ARHGEF1: variants seen among roughly 807,000 people sequenced by gnomAD.
ARHGEF1 encodes the protein Rho guanine nucleotide exchange factor 1, also known as 115 kDa guanine nucleotide exchange factor.
In ARHGEF1, 40 loss-of-function variants were observed where a neutral mutation model predicts 119.7. The ratio of observed to expected loss-of-function variants is 0.33; its 90% CI spans 0.26 to 0.44. The LOEUF (loss-of-function observed/expected upper bound fraction) is 0.44, where lower values mean the gene tolerates loss of function less well. ARHGEF1 is among the 20% of genes least tolerant of loss of function. The pLI, the probability that ARHGEF1 is intolerant of heterozygous loss-of-function variation, is 1.00. For missense variants in ARHGEF1, 976 were observed against 1,268.3 expected, an observed-to-expected ratio of 0.77 and a Z score of 3.50; for synonymous variants, 494 against 521.0, an observed-to-expected ratio of 0.95 and a Z score of 0.71.
intron 11 of ARHGEF1, among the ~76,000 whole-genome samples, 195 bp downstream of exon 11, chr19:41,894,856 T>TGG (rs1235083907): frequency 9.4e-6 from 1 of 106,726 alleles, no homozygotes. Flanking sequence ...GAGGAAGGGC[T>TGG]GGGCCTGGAC....
At chr19:41,897,207 C>T (rs1309760376) in intron 13 of ARHGEF1, 2 of 1,132,344 alleles carry the variant, frequency 1.8e-6, no homozygotes, top group Admixed American at 4.7e-5. Flanking sequence ...CAGGCTCTGC[C>T]TCCTGCCCGT....
At chr19:41,929,487 A>C (rs2074892427) in intron 2 of ARHGEF1, among the ~76,000 whole-genome samples, 1 of 152,110 alleles carries the variant, frequency 6.6e-6, no homozygotes, top group South Asian at 2.1e-4. Context: ...CCCACAGTTC[A>C]GCTCCCGGCC....
In ARHGEF1 at chr19:41,888,860, C is replaced by A. The variant is rs146097065; in HGVS notation, c.220C>A (p.Pro74Thr). ...QHVALQFEPG[P>T]LLCCLHADML... ...CGTGGCCCTGCAGTTTGAGCCAGGA[C>A]CCCTGGTGAGGGCAGGGCTGGGTGG... Residue 74 changes from proline to threonine, a missense_variant, in exon 4 of 29, where the codon CCC becomes ACC. By Grantham distance (38) the Pro-to-Thr change is conservative. This residue lies in a region of ARHGEF1 where 519 missense variants were observed against 580.9 expected (regional missense o/e 0.89). Coordinates refer to ENST00000354532, the MANE Select transcript of ARHGEF1 (RefSeq NM_004706.4). The surrounding 1 kb of genome is among the most constrained non-coding windows in gnomAD (Gnocchi z 5.1). 3 of 1,613,492 alleles carry A rather than the reference C, an allele frequency of 1.9e-6. No homozygotes were observed. Among genetic ancestry groups the A allele is most frequent in the Non-Finnish European group, 2.5e-6 (3 of 1,179,538 alleles).
downstream of ARHGEF1, chr19:41,907,911 C>T (rs2074726660): frequency 4.5e-6 from 1 of 224,324 alleles, no homozygotes; most frequent in Non-Finnish European, 7.5e-6. Context: ...GCCACACAAA[C>T]ACTTGGGGCA....
intron 1 of ARHGEF1, 85 bp from the exon 2 acceptor site, chr19:41,887,976 CCTT>C (rs2074320218): frequency 1.4e-6 from 2 of 1,440,452 alleles, no homozygotes; most frequent in African/African-American, 2.9e-5. Context: ...TGTTTACTCA[CCTT>C]CACACCTGGG....
intron 18 of ARHGEF1, chr19:41,912,921 G>A: frequency 1.6e-6 from 2 of 1,231,154 alleles, no homozygotes; most frequent in African/African-American, 1.6e-5. Flanking sequence ...ACAGTCCATG[G>A]CGGAGCCGGC....
In ARHGEF1 at chr19:41,889,928, C is replaced by T. The variant is rs1468060707; in HGVS notation, c.225+1063C>T. On this transcript the variant is annotated intron_variant, in intron 4 of 28. Transcript: ENST00000354532. This position sits in a 1 kb window ranked among gnomAD's most constrained non-coding sequence, Gnocchi z 4.0. ...TAGAACACCAGATTGTGGACATCAG[C>T]CCAGGGATCGTGCTGACTACCATGT... 1 of 152,140 alleles carries T rather than the reference C, an allele frequency of 6.6e-6. No individual in the cohort carries two copies. Among genetic ancestry groups the T allele is most frequent in the Admixed American group, 6.6e-5 (1 of 15,266 alleles). The allele number at this position is 152,140 out of a possible 1,614,324, so 9.4% of individuals were successfully genotyped here.
Position 41,905,923 on chromosome 19 carries a change from C to G in ARHGEF1, c.2405-16C>G, listed in dbSNP as rs201964344. The G allele has an allele frequency of 6.2e-7, 1 of 1,614,110 alleles. No homozygotes were observed. The highest frequency in any genetic ancestry group is 1.1e-5 in the South Asian group (1 of 91,084). On this transcript the variant is annotated splice_polypyrimidine_tract_variant and intron_variant, in intron 25 of 28. Transcript: ENST00000354532. This position sits in a 1 kb window ranked among gnomAD's most constrained non-coding sequence, Gnocchi z 6.4. ...GCCCGGCAGGATCTGAGCTCCCTCT[C>G]TGTTCCCCAATCCAGCCCGGACCGA...
chr19:41,888,687 G>T lies in ARHGEF1; in HGVS notation c.112-65G>T. On this transcript the variant is annotated intron_variant, in intron 3 of 28. Transcript: ENST00000354532. This position sits in a 1 kb window ranked among gnomAD's most constrained non-coding sequence, Gnocchi z 5.1. ...GATCCCTTGTGAAGTGCCAGGAATG[G>T]GTAGGGTCAACCCTAAGGCCCCTCC... 2 of 1,474,920 alleles carry T rather than the reference G, an allele frequency of 1.4e-6. No individual in the cohort carries two copies. Among genetic ancestry groups the T allele is most frequent in the South Asian group, 2.3e-5 (2 of 86,724 alleles). The allele number at this position is 1,474,920 out of a possible 1,614,324, so 91.4% of individuals were successfully genotyped here.
In ARHGEF1 at chr19:41,906,289, C is replaced by G; in HGVS notation, c.2492-168C>G. On this transcript the variant is annotated intron_variant, in intron 26 of 28. Transcript: ENST00000354532. The surrounding 1 kb of genome is among the most constrained non-coding windows in gnomAD (Gnocchi z 4.5). ...TCCTGCCCTGTCCCAACCCTAAACC[C>G]AGCCTCACTTCTTCACCTCCCTTTG... 2.8e-6 allele frequency: 2 copies of G among 726,930 alleles called. No individual in the cohort carries two copies. The highest frequency in any genetic ancestry group is 2.3e-6 in the Non-Finnish European group (1 of 440,920). 45.0% of individuals were successfully genotyped at this position (726,930 alleles called of 1,614,324 possible).
rs528915326 is a variant in ARHGEF1, at chr19:41,888,577, C to G, written c.112-175C>G. 2.6e-5 allele frequency among the ~76,000 whole-genome samples: 4 copies of G among 152,340 alleles called. No homozygotes were observed. The East Asian group carries it at 7.7e-4, about 29-fold the overall frequency. On this transcript the variant is annotated intron_variant, in intron 3 of 28. Transcript: ENST00000354532. This position sits in a 1 kb window ranked among gnomAD's most constrained non-coding sequence, Gnocchi z 5.1. Reference sequence around the variant, plus strand: ...ATTATAATATTAAGTCTCATCCATTCTCCCTGAACACCTGCCCTTGCTGTC... The same window carrying G: ...ATTATAATATTAAGTCTCATCCATTGTCCCTGAACACCTGCCCTTGCTGTC...
intron 18 of ARHGEF1, among the ~76,000 whole-genome samples, chr19:41,913,261 ACGCCCGCCCGCC>A (rs1313896978): frequency 1.0e-4 from 14 of 139,352 alleles, no homozygotes; most frequent in African/African-American, 3.5e-4. Context: ...GCTGGCTCTC[ACGCCCGCCCGCC>A]CGCCCGCCGC....
At chr19:41,897,992 C>A in intron 13 of ARHGEF1, 1 of 1,322,318 alleles carries the variant, frequency 7.6e-7, no homozygotes, top group Non-Finnish European at 9.6e-7. Context: ...GGTGAGTGAC[C>A]GCCGCCGGCC....
intron 1 of ARHGEF1, among the ~76,000 whole-genome samples, chr19:41,926,629 C>CCTGGCCTG (rs1219863515): frequency 6.6e-6 from 1 of 152,148 alleles, no homozygotes; most frequent in African/African-American, 2.4e-5. Flanking sequence ...CTAGGCGAGG[C>CCTGGCCTG]CTGGCCTGCT....
intron 13 of ARHGEF1, chr19:41,898,237 C>A: frequency 7.5e-7 from 1 of 1,336,046 alleles, no homozygotes; most frequent in Non-Finnish European, 9.9e-7. Context: ...ACTGTGGTCA[C>A]AGACCTTGGA....
In ARHGEF1 at chr19:41,917,456, C is replaced by G. The variant is rs1444240446; in HGVS notation, c.1866-5636C>G. 6.6e-6 allele frequency among the ~76,000 whole-genome samples: 1 copy of G among 151,744 alleles called. No individual in the cohort carries two copies. The highest frequency in any genetic ancestry group is 6.6e-5 in the Admixed American group (1 of 15,262). On this transcript the variant is annotated intron_variant, in intron 18 of 20. Transcript: ENST00000599589. The surrounding 1 kb of genome is among the most constrained non-coding windows in gnomAD (Gnocchi z 4.8). ...CGGGCCTCGCACCCCCACCACCAGC[C>G]CCTTCATCCCTCACCCAGGCCCCCC...
chr19:41,895,742 G>A (rs1357664341), intron 12 of ARHGEF1, among the ~76,000 whole-genome samples: 1 of 152,080 alleles, frequency 6.6e-6, no homozygotes, highest in Non-Finnish European at 1.5e-5. Flanking sequence ...CTTGGACTAC[G>A]TTTTCCATCA....
chr19:41,908,342 G>A (rs184878824), downstream of ARHGEF1: 7 of 1,231,430 alleles, frequency 5.7e-6, no homozygotes, highest in South Asian at 8.2e-5. The surrounding 1 kb of genome is among the most constrained non-coding windows in gnomAD (Gnocchi z 6.7). Flanking sequence ...GCTCCGAGTC[G>A]CTGTCCTCCT....
At chr19:41,914,801 C>A (rs1357996540) in intron 18 of ARHGEF1, among the ~76,000 whole-genome samples, 2 of 41,572 alleles carry the variant, frequency 4.8e-5, no homozygotes, top group Non-Finnish European at 1.1e-4. Context: ...GTCTCTGTCT[C>A]TCCCTCCCCC....
Sources: allele counts gnomAD v4.1 joint callset (sites outside exome capture counted in the v4.1 genomes callset), GRCh38; gene constraint gnomAD v4.1.1; regional missense constraint gnomAD v4.1.1; non-coding constraint Gnocchi (gnomAD v3.1); transcripts MANE v1.5; gene names NCBI Gene and HGNC (gene_info 2026-07-23, HGNC 2026-07-21).